The following TTC39B variants were observed in gnomAD, a reference collection of about 807,000 sequenced individuals.
The protein encoded by TTC39B is tetratricopeptide repeat protein 39B.
Under a neutral mutation model 96.6 loss-of-function variants are expected in TTC39B, and 92 were observed. The ratio of observed to expected loss-of-function variants is 0.95; its 90% CI spans 0.80 to 1.13. The LOEUF (loss-of-function observed/expected upper bound fraction) is 1.13. Among genes scored for constraint, TTC39B ranks in the 50% most tolerant of loss-of-function variants. The probability of loss-of-function intolerance (pLI) is 0.00; values close to 1 mark genes in which losing one functional copy is unlikely to be tolerated. For synonymous variants in TTC39B, 367 were observed against 299.4 expected (o/e 1.23, Z -2.33); for missense variants, 955 against 809.3 (o/e 1.18, Z -2.18).
intron 4 of TTC39B, among the ~76,000 whole-genome samples, chr9:15,213,513 T>C (rs148715635): frequency 2.6e-5 from 4 of 152,280 alleles, no homozygotes; most frequent in African/African-American, 9.6e-5. Context: ...AGGAACGAGA[T>C]TGCCGACTTT....
At chr9:15,276,690 A>C (rs1823556154) in intron 1 of TTC39B, among the ~76,000 whole-genome samples, 1 of 152,160 alleles carries the variant, frequency 6.6e-6, no homozygotes, top group Non-Finnish European at 1.5e-5. Flanking sequence ...GCATAAATTT[A>C]GGCTTGGAGG....
intron 15 of TTC39B, 59 bp downstream of exon 15, chr9:15,186,885 T>G: frequency 9.6e-4 from 1,389 of 1,444,880 alleles, no homozygotes; most frequent in Non-Finnish European, 1.3e-3. Flanking sequence ...TCAGTAGAGA[T>G]GAGATTTTGC....
At chr9:15,257,768 A>G (rs141907785) in intron 2 of TTC39B, among the ~76,000 whole-genome samples, 1,732 of 151,314 alleles carry the variant, frequency 0.011, 46 homozygotes, top group African/African-American at 0.04. Context: ...TATTTTTAAA[A>G]ATAATTTTAG....
At chr9:15,297,203 G>A (rs1468192320) in intron 1 of TTC39B, among the ~76,000 whole-genome samples, 1 of 152,156 alleles carries the variant, frequency 6.6e-6, no homozygotes, top group East Asian at 1.9e-4. Context: ...TCTGCCTGAA[G>A]GAATGAGGGG....
At chr9:15,280,423 A>G (rs1823716237) in intron 1 of TTC39B, among the ~76,000 whole-genome samples, 1 of 152,374 alleles carries the variant, frequency 6.6e-6, no homozygotes, top group Middle Eastern at 3.4e-3. Context: ...CTTTGAGGAT[A>G]GAGTGAGAAA....
chr9:15,230,698 T>C (rs1483183207), intron 2 of TTC39B, among the ~76,000 whole-genome samples: 1 of 152,220 alleles, frequency 6.6e-6, no homozygotes, highest in East Asian at 1.9e-4. Flanking sequence ...TACAAGTTCT[T>C]GGCCAAGGCA....
At chr9:15,211,969 A>C (rs1355290394) in intron 4 of TTC39B, among the ~76,000 whole-genome samples, 1 of 152,196 alleles carries the variant, frequency 6.6e-6, no homozygotes, top group Non-Finnish European at 1.5e-5. Flanking sequence ...TGATATTTCA[A>C]ATCATCAAGT....
At chr9:15,192,510 G>A (rs1202912623) in intron 9 of TTC39B, 80 bp downstream of exon 9, 2 of 1,104,726 alleles carry the variant, frequency 1.8e-6, no homozygotes, top group Non-Finnish European at 1.4e-6. Context: ...TCAGGATGAG[G>A]TTCAAATGCA....
intron 2 of TTC39B, among the ~76,000 whole-genome samples, chr9:15,229,732 C>A (rs890717074): frequency 2.0e-5 from 3 of 152,182 alleles, no homozygotes; most frequent in African/African-American, 7.2e-5. Flanking sequence ...TTCTTTTGTT[C>A]CATCACATAT....
chr9:15,190,814 C>T, intron 10 of TTC39B, 152 bp from the exon 11 acceptor site: 1 of 672,938 alleles, frequency 1.5e-6, no homozygotes, highest in Non-Finnish European at 2.5e-6. Flanking sequence ...GTCCCTATCA[C>T]CGCAAGAGTG....
At chr9:15,218,340 C>T (rs183677455) in intron 3 of TTC39B, among the ~76,000 whole-genome samples, 29 of 152,210 alleles carry the variant, frequency 1.9e-4, no homozygotes, top group African/African-American at 7.0e-4. Flanking sequence ...CCCTTAACTT[C>T]CCTGAGTCCC....
chr9:15,170,463 TATA>T (rs1482495184), exon 20 of TTC39B: 3 of 152,202 alleles, frequency 2.0e-5, no homozygotes, highest in African/African-American at 4.8e-5. Context: ...CCATAATTAT[TATA>T]ATAATTCATA....
intron 4 of TTC39B, among the ~76,000 whole-genome samples, chr9:15,211,922 T>C (rs1416670875): frequency 6.6e-6 from 1 of 152,242 alleles, no homozygotes; most frequent in Non-Finnish European, 1.5e-5. Context: ...TTGTATCTAG[T>C]CTAATCCCAT....
chr9:15,233,903 G>A (rs1301377116), intron 2 of TTC39B, among the ~76,000 whole-genome samples: 1 of 151,802 alleles, frequency 6.6e-6, no homozygotes, highest in Non-Finnish European at 1.5e-5. Flanking sequence ...TCCCATCTAG[G>A]AAGTGAGGAG....
intron 18 of TTC39B, among the ~76,000 whole-genome samples, chr9:15,175,422 G>T (rs1357357535): frequency 6.6e-6 from 1 of 151,886 alleles, no homozygotes; most frequent in Non-Finnish European, 1.5e-5. Flanking sequence ...CCTAGAAATG[G>T]CAAGATCATC....
Position 15,188,283 on chromosome 9 carries a change from G to A in TTC39B, c.1234-151C>T, listed in dbSNP as rs187973361. 1.2e-5 allele frequency: 9 copies of A among 727,930 alleles called. No homozygotes were observed. In the East Asian group the frequency reaches 2.5e-4, roughly 20 times the overall value. The allele number at this position is 727,930 out of a possible 1,614,324, so 45.1% of individuals were successfully genotyped here. On this transcript the variant is annotated intron_variant, in intron 13 of 19. Transcript: ENST00000512701. Reference sequence around the variant, plus strand: ...TGATGATATGTTCTTTTCCTTACAGGCAATGATACAGTTAAGTTCTGCCTC... The same window carrying A: ...TGATGATATGTTCTTTTCCTTACAGACAATGATACAGTTAAGTTCTGCCTC...
chr9:15,227,835 A>G (rs1349848901), intron 2 of TTC39B, among the ~76,000 whole-genome samples: 2 of 152,142 alleles, frequency 1.3e-5, no homozygotes, highest in Non-Finnish European at 2.9e-5. Flanking sequence ...AGTCTCCCCA[A>G]TATTGAAATT....
intron 1 of TTC39B, among the ~76,000 whole-genome samples, chr9:15,281,042 A>C (rs1022498565): frequency 6.6e-6 from 1 of 151,364 alleles, no homozygotes; most frequent in African/African-American, 2.4e-5. Context: ...TTTTTTGTTT[A>C]AATCATCAGT....
rs1250731881 is a variant in TTC39B, at chr9:15,177,693, T to G, written c.1841+4A>C. On this transcript the variant is annotated splice_donor_region_variant and intron_variant, in intron 18 of 19. Transcript: ENST00000512701. ...CTTGGGCTGGTTTTATTGTTTGGTC[T>G]TACCTTTCCACAACATGATTGTAAC... The G allele has an allele frequency of 6.3e-7, 1 of 1,599,750 alleles. No homozygotes were observed. The highest frequency in any genetic ancestry group is 1.3e-5 in the African/African-American group (1 of 74,126).
Sources: gnomAD v4.1 joint callset for allele counts (sites outside exome capture counted in the v4.1 genomes callset) on GRCh38, gnomAD v4.1.1 for gene constraint, MANE v1.5 for transcripts, NCBI Gene and HGNC (gene_info 2026-07-23, HGNC 2026-07-21) for gene names.